IQGAP3: variants seen among roughly 807,000 people sequenced by gnomAD.
IQGAP3 encodes the protein IQ motif containing GTPase activating protein 3.
In IQGAP3, 165 loss-of-function variants were observed where a neutral mutation model predicts 208.2. That is an observed-to-expected ratio of 0.79 (90% CI 0.70 to 0.90). The LOEUF (loss-of-function observed/expected upper bound fraction) is 0.90, where lower values mean the gene tolerates loss of function less well. Among genes scored for constraint, IQGAP3 ranks in the 40% least tolerant of loss-of-function variants. The pLI is 0.00. For synonymous variants in IQGAP3, 703 were observed against 803.6 expected, an observed-to-expected ratio of 0.87 and a Z score of 2.12; for missense variants, 1,811 against 2,043.1, an observed-to-expected ratio of 0.89 and a Z score of 2.19.
intron 1 of IQGAP3, among the ~76,000 whole-genome samples, chr1:156,570,580 G>A (rs1571372113): frequency 6.6e-6 from 1 of 152,296 alleles, no homozygotes; most frequent in South Asian, 2.1e-4. Context: ...GTGCAGTAGT[G>A]CAGCCTTGAC....
rs149495122 is a variant in IQGAP3, at chr1:156,549,308, T to C, written c.1826-560A>G. 6.8e-3 allele frequency among the ~76,000 whole-genome samples: 1,039 copies of C among 152,126 alleles called. 13 individuals are homozygous for C. The highest frequency in any genetic ancestry group is 0.023 in the African/African-American group (960 of 41,500). On this transcript the variant is annotated intron_variant, in intron 16 of 37. Transcript: ENST00000361170. ...AATTATATGTATTATATGTGCCTAC[T>C]AATAATACAAAAATTAGCCAGCTGT...
intron 25 of IQGAP3, 72 bp from the exon 26 acceptor site, chr1:156,539,105 A>G: frequency 7.2e-7 from 1 of 1,390,460 alleles, no homozygotes; most frequent in Non-Finnish European, 1.0e-6. Flanking sequence ...TTCCTTTTTG[A>G]GATTTTGGCT....
rs1197172396 is a variant in IQGAP3 at position 156,533,807 on chromosome 1, A to G, written c.3942T>C (p.Asp1314=). 2 of 1,613,592 alleles carry G rather than the reference A, an allele frequency of 1.2e-6. No homozygotes were observed. Among genetic ancestry groups the G allele is most frequent in the Admixed American group, 1.7e-5 (1 of 59,960 alleles). ...HQDPLHELLE[D]LGELPTIPDL... ...CAGGGATGGTGGGCAGCTCCCCAAGATCCTCCAGGAGCTCATGCAGGGGGT... is the reference window on the plus strand; with the variant it reads ...CAGGGATGGTGGGCAGCTCCCCAAGGTCCTCCAGGAGCTCATGCAGGGGGT... Residue 1314 remains aspartate, a synonymous_variant, in exon 31 of 38, where the codon GAT becomes GAC. Transcript: ENST00000361170.
Position 156,539,496 on chromosome 1 carries a change from T to C in IQGAP3, c.2934A>G (p.Pro978=), listed in dbSNP as rs1674875541. 12 of 1,614,096 alleles carry C rather than the reference T, an allele frequency of 7.4e-6. No individual in the cohort carries two copies. The highest frequency in any genetic ancestry group is 9.3e-6 in the Non-Finnish European group (11 of 1,180,050). Residue 978 remains proline (P), a synonymous_variant, in exon 25 of 38, where the codon CCA becomes CCG. Transcript: ENST00000361170. ...IYLAKLIFQM[P]QNKTTKFMEA... The stretch of plus-strand genomic sequence containing the variant: ...CCATGAACTTGGTGGTTTTGTTCTG[T>C]GGCATCTGAAAGATCAGCTTGGCCA...
chr1:156,559,867 G>A (rs1399368039), intron 11 of IQGAP3, among the ~76,000 whole-genome samples: 1 of 152,220 alleles, frequency 6.6e-6, no homozygotes, highest in East Asian at 1.9e-4. Flanking sequence ...AAGAACCCAT[G>A]AAGGTCTGAA....
chr1:156,559,431 G>A (rs1261669135), intron 11 of IQGAP3, among the ~76,000 whole-genome samples: 5 of 152,156 alleles, frequency 3.3e-5, no homozygotes, highest in South Asian at 4.1e-4. Context: ...TAGCAGATAC[G>A]GGCACTGACA....
At position 156,551,753 on chromosome 1, in the gene IQGAP3, G is replaced by A; in HGVS notation, c.1686C>T (p.Ala562=). Residue 562 remains alanine, a synonymous_variant, in exon 15 of 38, where the codon GCC becomes GCT. Coordinates refer to ENST00000361170, the MANE Select transcript of IQGAP3 (RefSeq NM_178229.5). ...CCACAAGGAGGAGATGGTACCGAGG[G>A]GCGACAGGGAGGCTGACATCATCTA... The part of the protein sequence containing the change: ...AGLDDVSLPV[A]PRYHLLLVAA... The A allele has an allele frequency of 6.2e-7, 1 of 1,613,884 alleles. No homozygotes were observed. The highest frequency in any genetic ancestry group is 8.5e-7 in the Non-Finnish European group (1 of 1,179,994).
intron 19 of IQGAP3, among the ~76,000 whole-genome samples, chr1:156,547,388 G>GACACACACACACACACAC (rs61344699): frequency 8.1e-5 from 12 of 147,410 alleles, no homozygotes; most frequent in East Asian, 2.0e-4. Context: ...CAGACACACA[G>GACACACACACACACACAC]ACACACACAC....
chr1:156,555,638 T>C (rs1675790397), intron 12 of IQGAP3, among the ~76,000 whole-genome samples: 1 of 152,226 alleles, frequency 6.6e-6, no homozygotes, highest in Non-Finnish European at 1.5e-5. Context: ...GGTTCTTCTC[T>C]AAGCAAATAT....
intron 29 of IQGAP3, 40 bp downstream of exon 29, chr1:156,534,459 GAA>G: frequency 2.8e-6 from 4 of 1,408,910 alleles, no homozygotes; most frequent in Non-Finnish European, 3.9e-6. Flanking sequence ...TCAAAGGTGA[GAA>G]GAGGGAAGAA....
At chr1:156,538,295 C>G (rs1446841424) in intron 26 of IQGAP3, among the ~76,000 whole-genome samples, 1 of 152,132 alleles carries the variant, frequency 6.6e-6, no homozygotes, top group African/African-American at 2.4e-5. Flanking sequence ...CTCCTGACCT[C>G]GTGATCCGCC....
intron 28 of IQGAP3, 27 bp from the exon 29 acceptor site, chr1:156,534,760 A>G: frequency 6.8e-7 from 1 of 1,466,888 alleles, no homozygotes; most frequent in Non-Finnish European, 9.1e-7. Flanking sequence ...CTCTCCCAGA[A>G]GTGTCCAGGG....
Position 156,544,473 on chromosome 1 carries a change from C to A in IQGAP3, c.2305-1G>T. 6.2e-7 allele frequency: 1 copy of A among 1,613,504 alleles called. No individual in the cohort carries two copies. The highest frequency in any genetic ancestry group is 8.5e-7 in the Non-Finnish European group (1 of 1,179,424). ...GCTGCCTATAACCCCGCCAATGAGCCTGCACATCAGGAGAGAAAGGGAAGT... is the reference window on the plus strand; with the variant it reads ...GCTGCCTATAACCCCGCCAATGAGCATGCACATCAGGAGAGAAAGGGAAGT... On this transcript the variant is annotated splice_acceptor_variant, in intron 19 of 37. Coordinates refer to ENST00000361170, the MANE Select transcript of IQGAP3 (RefSeq NM_178229.5). LOFTEE classifies it high-confidence loss of function.
At chr1:156,570,178 CTCATTCAT>C (rs1676585574) in intron 1 of IQGAP3, among the ~76,000 whole-genome samples, 1 of 152,226 alleles carries the variant, frequency 6.6e-6, no homozygotes. Flanking sequence ...TCATCATTCA[CTCATTCAT>C]TCATTCATCA....
chr1:156,534,288 C>A (rs1674573856), intron 29 of IQGAP3, 147 bp from the exon 30 acceptor site: 1 of 1,285,230 alleles, frequency 7.8e-7, no homozygotes. Flanking sequence ...TCCTGCCCTA[C>A]CTCTGTCCCA....
rs762101212 is a variant in IQGAP3, at chr1:156,530,238, G to T, written c.4271C>A (p.Ser1424Ter). The T allele has an allele frequency of 1.2e-6, 2 of 1,613,118 alleles. No individual in the cohort carries two copies. The highest frequency in any genetic ancestry group is 2.7e-5 in the African/African-American group (2 of 75,040). The change falls in exon 34 of 38, where the codon TCA (serine) becomes TAA (stop). Residue 1424 changes from serine (S) to a stop codon, truncating the protein, a stop_gained. Coordinates refer to ENST00000361170, the MANE Select transcript of IQGAP3 (RefSeq NM_178229.5). LOFTEE classifies it high-confidence loss of function. ...QTPEPLRRHR[S>*]LTAHSLLPLA... ...TGGCAGGAGGGAGTGAGCTGTCAGTGAGCGGTGTCGTCGCAGTGGCTCCGG... is the reference window on the plus strand; with the variant it reads ...TGGCAGGAGGGAGTGAGCTGTCAGTTAGCGGTGTCGTCGCAGTGGCTCCGG...
chr1:156,533,585 G>A (rs1674529282), intron 31 of IQGAP3, among the ~76,000 whole-genome samples, 188 bp downstream of exon 31: 2 of 152,116 alleles, frequency 1.3e-5, no homozygotes, highest in African/African-American at 4.8e-5. Context: ...TCCCTCTACT[G>A]TCTGTCTACC....
chr1:156,569,770 T>C (rs894971599), intron 1 of IQGAP3, among the ~76,000 whole-genome samples: 5 of 152,168 alleles, frequency 3.3e-5, no homozygotes, highest in Admixed American at 2.6e-4. Flanking sequence ...CCGCCCGCCT[T>C]GGCCTCCCAA....
intron 19 of IQGAP3, among the ~76,000 whole-genome samples, chr1:156,546,683 ACC>A (rs1675257681): frequency 6.6e-6 from 1 of 152,158 alleles, no homozygotes; most frequent in Non-Finnish European, 1.5e-5. Flanking sequence ...GAATGAGGAA[ACC>A]GAGTGCTAGA....
Sources: allele counts gnomAD v4.1 joint callset (sites outside exome capture counted in the v4.1 genomes callset), GRCh38; gene constraint gnomAD v4.1.1; transcripts MANE v1.5; gene names NCBI Gene and HGNC (gene_info 2026-07-23, HGNC 2026-07-21).